Variants in RBBP6 observed in about 807,000 individuals in gnomAD.
RBBP6 encodes E3 ubiquitin-protein ligase RBBP6.
RBBP6 carries 25 observed loss-of-function variants against 167.7 expected under a neutral mutation model. That is an observed-to-expected ratio of 0.15 (90% CI 0.11 to 0.21). RBBP6 has a LOEUF of 0.21. Among genes scored for constraint, RBBP6 ranks in the 10% least tolerant of loss-of-function variants. The pLI, the probability that RBBP6 is intolerant of heterozygous loss-of-function variation, is 1.00. For synonymous variants in RBBP6, 789 were observed against 735.8 expected, an observed-to-expected ratio of 1.07 and a Z score of -1.17; for missense variants, 1,868 against 2,134.2, an observed-to-expected ratio of 0.88 and a Z score of 2.46.
rs187087492 is a variant in RBBP6, at chr16:24,562,223, G to C, written c.1289+62G>C. 9.7e-6 allele frequency: 14 copies of C among 1,449,528 alleles called. No individual in the cohort carries two copies. The Admixed American group carries it at 2.4e-4, about 25-fold the overall frequency. The allele number at this position is 1,449,528 out of a possible 1,614,324, so 89.8% of individuals were successfully genotyped here. A position where few individuals can be genotyped will look rare whatever the true frequency, so the allele number is the denominator to read the frequency against. The stretch of plus-strand genomic sequence containing the variant: ...GAGGTCAATGATGTAGTGTTTTGTT[G>C]TTGGTTATCACTTTTAACAGCTTTC... On this transcript the variant is annotated intron_variant, in intron 10 of 17. Transcript: ENST00000319715.
rs1899340367 is a variant in RBBP6, at chr16:24,571,650, T to A, written c.4584T>A (p.Asp1528Glu). Residue 1528 changes from aspartate to glutamate, a missense_variant, in exon 18 of 18, where the codon GAT becomes GAA. Physicochemically the swap from Asp to Glu is conservative, Grantham distance 45 (BLOSUM62 2). This residue lies in a region of RBBP6 where 591 missense variants were observed against 540.5 expected (regional missense o/e 1.09). Transcript: ENST00000319715. ...ATTTGCCTAAAAAAGGAACAGGAGA[T>A]TCCAAAAAAAGTAATTCTAGTCCCT... ...ERDLPKKGTG[D>E]SKKSNSSPSR... The A allele has an allele frequency of 1.2e-6, 2 of 1,612,738 alleles. No homozygotes were observed. Among genetic ancestry groups the A allele is most frequent in the Admixed American group, 3.3e-5 (2 of 59,802 alleles).
In RBBP6 at chr16:24,567,486, C is replaced by T; in HGVS notation, c.1933C>T (p.Gln645Ter). 6.2e-7 allele frequency: 1 copy of T among 1,609,898 alleles called. No homozygotes were observed. The highest frequency in any genetic ancestry group is 8.5e-7 in the Non-Finnish European group (1 of 1,177,092). ...PLSREEFYRE[Q>*]RRLKEEEKKK... ...GTCCAGGGAAGAATTCTATAGAGAG[C>T]AGCGACGACTAAAAGAAGAGTATGT... The change falls in exon 15 of 18, where the codon CAG (glutamine) becomes TAG (stop). Residue 645 changes from glutamine to a stop codon, truncating the protein, a stop_gained. Coordinates refer to ENST00000319715, the MANE Select transcript of RBBP6 (RefSeq NM_006910.5). LOFTEE classifies it high-confidence loss of function.
chr16:24,559,158 G>C (rs1216653311), intron 7 of RBBP6, among the ~76,000 whole-genome samples: 1 of 152,010 alleles, frequency 6.6e-6, no homozygotes, highest in East Asian at 1.9e-4. Flanking sequence ...TGATTATGGT[G>C]TTGTCTAAAT....
Position 24,569,185 on chromosome 16 carries a change from G to T in RBBP6, c.2495G>T (p.Arg832Ile). 6.2e-7 allele frequency: 1 copy of T among 1,613,740 alleles called. No homozygotes were observed. Among genetic ancestry groups the T allele is most frequent in the Non-Finnish European group, 8.5e-7 (1 of 1,179,902 alleles). The stretch of plus-strand genomic sequence containing the variant: ...AAAGAACGCTACCGAGAATGGGAGA[G>T]AAAATATAGAGAGTGGTATGAAAAA... ...FEKERYREWE[R>I]KYREWYEKYY... Residue 832 changes from arginine (R) to isoleucine (I), a missense_variant, in exon 17 of 18, where the codon AGA becomes ATA. Physicochemically the swap from Arg to Ile is moderately conservative, Grantham distance 97. Coordinates refer to ENST00000319715, the MANE Select transcript of RBBP6 (RefSeq NM_006910.5).
In RBBP6 at chr16:24,561,398, CT is replaced by C. The variant is rs571457948; in HGVS notation, c.848-209del. Among the ~76,000 whole-genome samples the C allele has an allele frequency of 4.9e-3, 740 of 152,242 alleles. 3 individuals carry two copies. The highest frequency in any genetic ancestry group is 0.017 in the African/African-American group (698 of 41,536). On this transcript the variant is annotated intron_variant, in intron 8 of 17. Transcript: ENST00000319715. ...ATGCCAGCACACCCAGCTGTGACTT[CT>C]TTTTAGCGTAGCATAGGTCATATAG...
Position 24,539,626 on chromosome 16 carries a change from C to T in RBBP6, c.-1001C>T, listed in dbSNP as rs1467545438. 2 of 152,136 alleles carry T rather than the reference C, an allele frequency of 1.3e-5. No homozygotes were observed. The highest frequency in any genetic ancestry group is 2.4e-5 in the African/African-American group (1 of 41,430). The allele number at this position is 152,136 out of a possible 1,614,324, so 9.4% of individuals were successfully genotyped here. On this transcript the variant is annotated 5_prime_UTR_variant, in exon 1 of 18. Coordinates refer to ENST00000319715, the MANE Select transcript of RBBP6 (RefSeq NM_006910.5). ...GCCATAGTACCTGGCTTGGAGGTGT[C>T]GCCGCCGCTCGGTGAGAGCCCCCGA...
rs115335793 is a variant in RBBP6, at chr16:24,562,030, A to G, written c.1158A>G (p.Ser386=). The G allele has an allele frequency of 5.2e-5, 84 of 1,612,928 alleles. No homozygotes were observed. In the African/African-American group the frequency reaches 1.1e-3, roughly 20 times the overall value. The part of the protein sequence containing the change: ...SSTHPAPSIS[S]LTSNQSSLAP... ...CTCACCCAGCTCCGTCTATATCTTC[A>G]TTAACTTCTAATCAGTCTTCCTTGG... Residue 386 remains serine, a synonymous_variant, in exon 10 of 18, where the codon TCA becomes TCG. Coordinates refer to ENST00000319715, the MANE Select transcript of RBBP6 (RefSeq NM_006910.5).
rs549173640 is a variant in RBBP6 at position 24,541,683 on chromosome 16, T to C, written c.166+891T>C. On this transcript the variant is annotated intron_variant, in intron 1 of 17. Transcript: ENST00000319715. The stretch of plus-strand genomic sequence containing the variant: ...TATTGGGAACTTAACAGTAGATAAA[T>C]GTGACAAGCAGTCTTTCCTGACTCT... Among the ~76,000 whole-genome samples, 4 of 152,326 alleles carry C rather than the reference T, an allele frequency of 2.6e-5. No homozygotes were observed. The East Asian group carries it at 7.7e-4, about 29-fold the overall frequency.
intron 7 of RBBP6, among the ~76,000 whole-genome samples, chr16:24,557,199 AC>A (rs907493018): frequency 2.3e-4 from 35 of 151,970 alleles, no homozygotes; most frequent in African/African-American, 7.7e-4. Flanking sequence ...ACGGAGTTTC[AC>A]CGTGTTAGCC....
Position 24,567,196 on chromosome 16 carries a change from C to T in RBBP6, c.1643C>T (p.Pro548Leu), listed in dbSNP as rs749512462. ...HSERSQRTQG[P>L]SLPATPVFVP... is the part of the protein sequence containing the mutation. ...GAAAGATCACAGAGGACTCAAGGCC[C>T]GTCACTACCAGCAACTCCAGTCTTT... is the stretch of plus-strand genomic sequence containing the variant. The change falls in exon 15 of 18, where the codon CCG (proline) becomes CTG (leucine). Residue 548 changes from proline (P) to leucine (L), a missense_variant. Around this residue, in one of 7 missense-constraint regions of RBBP6, gnomAD observed 145 missense variants for 224.3 expected, o/e 0.65. Transcript: ENST00000319715. 33 of 1,613,858 alleles carry T rather than the reference C, an allele frequency of 2.0e-5. No homozygotes were observed. The highest frequency in any genetic ancestry group is 1.1e-4 in the South Asian group (10 of 91,068).
At chr16:24,554,972 C>T (rs1432496827) in intron 4 of RBBP6, 5 of 151,980 alleles carry the variant, frequency 3.3e-5, no homozygotes, top group Admixed American at 3.3e-4. Flanking sequence ...TAAAGACAAA[C>T]CCCAATGAAT....
intron 6 of RBBP6, 138 bp downstream of exon 6, chr16:24,556,055 C>T (rs1022937601): frequency 4.4e-5 from 40 of 903,086 alleles, no homozygotes; most frequent in Non-Finnish European, 5.6e-5. Flanking sequence ...CCAAATTTGC[C>T]AGGCTTCAAA....
chr16:24,557,089 C>G (rs1021484858), intron 7 of RBBP6, among the ~76,000 whole-genome samples: 1 of 151,296 alleles, frequency 6.6e-6, no homozygotes, highest in African/African-American at 2.4e-5. Flanking sequence ...AGCTCCACCT[C>G]CCAGGTTCAC....
chr16:24,569,221 G>A lies in RBBP6; in HGVS notation c.2531G>A (p.Gly844Asp), dbSNP rs201832488. ...GAGTGGTATGAAAAATATTATAAAG[G>A]TTATGCTGCTGGAGCACAGCCTAGA... The part of the protein sequence containing the change: ...YREWYEKYYK[G>D]YAAGAQPRPS... The change falls in exon 17 of 18, where the codon GGT (glycine) becomes GAT (aspartate). Residue 844 changes from glycine (G) to aspartate (D), a missense_variant. Gly to Asp is a moderately conservative substitution (Grantham distance 94, BLOSUM62 -1). Coordinates refer to ENST00000319715, the MANE Select transcript of RBBP6 (RefSeq NM_006910.5). The A allele has an allele frequency of 6.2e-7, 1 of 1,613,758 alleles. No individual in the cohort carries two copies. The highest frequency in any genetic ancestry group is 8.5e-7 in the Non-Finnish European group (1 of 1,179,930).
intron 1 of RBBP6, among the ~76,000 whole-genome samples, chr16:24,543,406 C>T (rs1008571460): frequency 7.2e-5 from 11 of 151,798 alleles, no homozygotes; most frequent in Non-Finnish European, 2.9e-5. Context: ...ACCTCAGCCT[C>T]CCAAGTAGCT....
chr16:24,564,743 A>G, intron 13 of RBBP6, 54 bp from the exon 14 acceptor site: 1 of 1,581,708 alleles, frequency 6.3e-7, no homozygotes, highest in African/African-American at 1.4e-5. Context: ...TGGAAAGGTC[A>G]TGTATTATAC....
intron 3 of RBBP6, among the ~76,000 whole-genome samples, chr16:24,550,363 G>GTT (rs1467504689): frequency 5.2e-4 from 63 of 121,414 alleles, no homozygotes; most frequent in African/African-American, 1.5e-3. Flanking sequence ...GTTTTTTTTT[G>GTT]TTTTTTTGTT....
intron 4 of RBBP6, 159 bp from the exon 5 acceptor site, chr16:24,555,456 G>A: frequency 4.9e-6 from 3 of 608,556 alleles, no homozygotes; most frequent in Non-Finnish European, 8.7e-6. Context: ...AATTACCTAA[G>A]GAATTCCCAA....
chr16:24,554,797 A>G (rs1898876984), intron 4 of RBBP6: 1 of 149,930 alleles, frequency 6.7e-6, no homozygotes, highest in Non-Finnish European at 1.5e-5. Context: ...AACTACAGGT[A>G]TTTGTAAAAC....
Sources: gnomAD v4.1 joint callset for allele counts (sites outside exome capture counted in the v4.1 genomes callset) on GRCh38, gnomAD v4.1.1 for gene constraint, gnomAD v4.1.1 regional missense constraint, MANE v1.5 for transcripts, NCBI Gene and HGNC (gene_info 2026-07-23, HGNC 2026-07-21) for gene names.